OPRM1: variants seen among roughly 807,000 people sequenced by gnomAD.
The protein encoded by OPRM1 is opioid receptor mu 1.
A neutral mutation model predicts 31.8 loss-of-function variants in OPRM1; 27 were observed. That is an observed-to-expected ratio of 0.85 (90% CI 0.63 to 1.17). The LOEUF (loss-of-function observed/expected upper bound fraction) is 1.17, where lower values mean the gene tolerates loss of function less well. Ranked by LOEUF, OPRM1 falls within the 50% of genes most tolerant of loss-of-function variation. OPRM1 has a pLI of 0.00. For missense variants in OPRM1, 536 were observed against 511.1 expected, an observed-to-expected ratio of 1.05 and a Z score of -0.47; for synonymous variants, 196 against 189.9, an observed-to-expected ratio of 1.03 and a Z score of -0.26.
At chr6:154,065,661 G>T (rs1405085223) in intron 1 of OPRM1, among the ~76,000 whole-genome samples, 5 of 151,690 alleles carry the variant, frequency 3.3e-5, no homozygotes, top group African/African-American at 7.3e-5. Context: ...AGTTTTTTTT[G>T]TGTGTGGAAT....
intron 1 of OPRM1, 130 bp from the exon 2 acceptor site, chr6:154,089,696 T>A: frequency 1.5e-6 from 1 of 647,034 alleles, no homozygotes. Context: ...AAGCTGATAC[T>A]GGAAAACAAT....
At chr6:154,107,988 A>G in intron 3 of OPRM1, 1 of 608,146 alleles carries the variant, frequency 1.6e-6, no homozygotes. Flanking sequence ...ATTTTATTTT[A>G]TTGCCATTCA....
chr6:154,094,405 T>C, intron 3 of OPRM1: 2 of 407,336 alleles, frequency 4.9e-6, no homozygotes, highest in Non-Finnish European at 9.7e-6. Context: ...CAGTCAGCTT[T>C]TGTTACATTA....
At chr6:154,205,696 C>T (rs760328194) in intron 3 of OPRM1, among the ~76,000 whole-genome samples, 28 of 152,138 alleles carry the variant, frequency 1.8e-4, no homozygotes, top group Non-Finnish European at 3.5e-4. Flanking sequence ...TGAATTTGAG[C>T]GGCTGTGTAT....
chr6:154,223,636 G>A (rs1779035711), intron 3 of OPRM1, among the ~76,000 whole-genome samples: 1 of 152,200 alleles, frequency 6.6e-6, no homozygotes, highest in Non-Finnish European at 1.5e-5. Context: ...CACACAGGAA[G>A]AAACCTAACT....
intron 3 of OPRM1, among the ~76,000 whole-genome samples, chr6:154,184,543 A>G (rs900281426): frequency 6.6e-6 from 1 of 151,446 alleles, no homozygotes; most frequent in African/African-American, 2.4e-5. Flanking sequence ...ATGTGTATGT[A>G]TATATATATA....
At chr6:154,086,653 G>A (rs1398167385) in intron 1 of OPRM1, 1 of 984,432 alleles carries the variant, frequency 1.0e-6, no homozygotes, top group Non-Finnish European at 1.2e-6. Flanking sequence ...AATACTTAGT[G>A]CTAAAATAAG....
In OPRM1 at chr6:154,131,033, A is replaced by G. The variant is rs936242218; in HGVS notation, c.*12312A>G. Among the ~76,000 whole-genome samples, 1 of 152,192 alleles carries G rather than the reference A, an allele frequency of 6.6e-6. No homozygotes were observed. The highest frequency in any genetic ancestry group is 6.5e-5 in the Admixed American group (1 of 15,286). The stretch of plus-strand genomic sequence containing the variant: ...ACTCTGTCAAACATAGCAAATAGGA[A>G]AGTTAAAAAAAAGTAAGTCTAAAGA... On this transcript the variant is annotated 3_prime_UTR_variant, in exon 4 of 4. Coordinates refer to ENST00000330432, the MANE Select transcript of OPRM1 (RefSeq NM_000914.5).
intron 1 of OPRM1, among the ~76,000 whole-genome samples, chr6:154,060,344 A>G (rs906310935): frequency 6.6e-6 from 1 of 152,184 alleles, no homozygotes; most frequent in Non-Finnish European, 1.5e-5. Flanking sequence ...AAATAGACCA[A>G]AAGAACCAAA....
At chr6:154,193,199 G>A (rs541197495) in intron 3 of OPRM1, among the ~76,000 whole-genome samples, 13 of 152,254 alleles carry the variant, frequency 8.5e-5, no homozygotes, top group Admixed American at 5.2e-4. Flanking sequence ...AAAAAGGAAC[G>A]AAATAATGGC....
At chr6:154,110,599 G>T (rs2128517035) in intron 3 of OPRM1, 1 of 547,222 alleles carries the variant, frequency 1.8e-6, no homozygotes, top group East Asian at 3.2e-5. Context: ...CAAGAATTAG[G>T]ACTCATTGGC....
intron 1 of OPRM1, among the ~76,000 whole-genome samples, chr6:154,068,680 T>C (rs943000073): frequency 6.6e-6 from 1 of 152,226 alleles, no homozygotes; most frequent in Admixed American, 6.5e-5. Flanking sequence ...AACGTAGCTA[T>C]CTCTTCAACA....
At chr6:154,183,356 A>C (rs1171936959) in intron 3 of OPRM1, among the ~76,000 whole-genome samples, 1 of 152,208 alleles carries the variant, frequency 6.6e-6, no homozygotes, top group Non-Finnish European at 1.5e-5. Context: ...GTACTTGCAT[A>C]ACATGACCTA....
chr6:154,099,157 C>A (rs1793917835), intron 3 of OPRM1, among the ~76,000 whole-genome samples: 1 of 151,938 alleles, frequency 6.6e-6, no homozygotes, highest in South Asian at 2.1e-4. Context: ...CGGTGGCATG[C>A]ACCTGTAGGT....
At chr6:154,133,944 T>C (rs1045205834), downstream of OPRM1, among the ~76,000 whole-genome samples, 2 of 152,226 alleles carry the variant, frequency 1.3e-5, no homozygotes, top group South Asian at 2.1e-4. Context: ...CCACTGGAAA[T>C]GGCCTATGGT....
At chr6:154,053,951 A>C (rs540119148) in intron 1 of OPRM1, among the ~76,000 whole-genome samples, 1 of 152,312 alleles carries the variant, frequency 6.6e-6, no homozygotes, top group South Asian at 2.1e-4. Context: ...GTCTCCTTCC[A>C]ATTAACTCAT....
chr6:154,032,101 A>G (rs1779042049), intron 1 of OPRM1, among the ~76,000 whole-genome samples: 1 of 152,226 alleles, frequency 6.6e-6, no homozygotes, highest in African/African-American at 2.4e-5. Context: ...ACAACTCTGT[A>G]TGAGCCATGA....
chr6:154,012,134 A>G (rs1777764334), intron 1 of OPRM1, among the ~76,000 whole-genome samples: 1 of 152,198 alleles, frequency 6.6e-6, no homozygotes, highest in African/African-American at 2.4e-5. Context: ...TTTGGACATA[A>G]CTATGGGCTA....
chr6:154,195,078 C>G (rs1776481076), intron 3 of OPRM1, among the ~76,000 whole-genome samples: 1 of 151,778 alleles, frequency 6.6e-6, no homozygotes. Context: ...CCTAAACCTT[C>G]TTATGTCCTG....
Sources: gnomAD v4.1 joint callset for allele counts (sites outside exome capture counted in the v4.1 genomes callset) on GRCh38, gnomAD v4.1.1 for gene constraint, MANE v1.5 for transcripts, NCBI Gene and HGNC (gene_info 2026-07-23, HGNC 2026-07-21) for gene names.